Variants in MKLN1 observed in about 807,000 individuals in gnomAD.
The protein encoded by MKLN1 is muskelin 1, also known as muskelin.
Under a neutral mutation model 99.0 loss-of-function variants are expected in MKLN1, and 18 were observed. That is an observed-to-expected ratio of 0.18 (90% confidence interval 0.13 to 0.27). The LOEUF is 0.27. MKLN1 is among the 10% of genes least tolerant of loss of function. The pLI, the probability that MKLN1 is intolerant of heterozygous loss-of-function variation, is 1.00. For missense variants in MKLN1, 621 were observed against 875.9 expected, an observed-to-expected ratio of 0.71 and a Z score of 3.67; for synonymous variants, 288 against 293.2, an observed-to-expected ratio of 0.98 and a Z score of 0.18.
intron 2 of MKLN1, among the ~76,000 whole-genome samples, chr7:131,197,208 A>G (rs1313222491): frequency 6.6e-6 from 1 of 151,826 alleles, no homozygotes; most frequent in Admixed American, 6.6e-5. Flanking sequence ...TGTTTGATTG[A>G]TTGATTTTTT....
At chr7:131,349,361 A>G (rs1403854033) in intron 1 of MKLN1, among the ~76,000 whole-genome samples, 1 of 152,006 alleles carries the variant, frequency 6.6e-6, no homozygotes, top group Non-Finnish European at 1.5e-5. Context: ...ACGCCCAGCT[A>G]ATTTTTTGTA....
intron 2 of MKLN1, among the ~76,000 whole-genome samples, chr7:131,170,432 G>A (rs551005770): frequency 5.6e-4 from 85 of 152,260 alleles, no homozygotes; most frequent in African/African-American, 1.9e-3. Flanking sequence ...TTTCAAGTTC[G>A]ACTTTACAGC....
intron 17 of MKLN1, among the ~76,000 whole-genome samples, chr7:131,486,047 A>T (rs949893781): frequency 2.0e-5 from 3 of 151,974 alleles, no homozygotes; most frequent in Admixed American, 2.0e-4. Flanking sequence ...AAAACTCCCA[A>T]ATAGTTCTGC....
At chr7:131,340,929 G>T (rs188233448) in intron 1 of MKLN1, among the ~76,000 whole-genome samples, 2 of 152,058 alleles carry the variant, frequency 1.3e-5, no homozygotes, top group African/African-American at 4.8e-5. Flanking sequence ...GGAAAGACTT[G>T]TAACAGTAGA....
intron 3 of MKLN1, among the ~76,000 whole-genome samples, chr7:131,280,020 G>A (rs1272035950): frequency 1.3e-5 from 2 of 152,028 alleles, no homozygotes; most frequent in African/African-American, 2.4e-5. Flanking sequence ...CTGTCTCTAT[G>A]GATTTGCCTA....
In MKLN1 at chr7:131,316,439, T is replaced by G. The variant is rs187396599; in HGVS notation, c.-178-58985T>G. Among the ~76,000 whole-genome samples the G allele has an allele frequency of 3.8e-4, 58 of 151,900 alleles. No individual in the cohort carries two copies. The East Asian group carries it at 9.5e-3, about 25-fold the overall frequency. Reference sequence around the variant, plus strand: ...ACAAAAAAGACTCCCACACAAAAACTCCCATCCAAATGTCATCAGCCTCAA... The same window carrying G: ...ACAAAAAAGACTCCCACACAAAAACGCCCATCCAAATGTCATCAGCCTCAA... On this transcript the variant is annotated intron_variant, in intron 3 of 7. Transcript: ENST00000416992.
intron 8 of MKLN1, among the ~76,000 whole-genome samples, chr7:131,417,700 A>C (rs181218451): frequency 6.6e-6 from 1 of 152,194 alleles, no homozygotes; most frequent in Non-Finnish European, 1.5e-5. Context: ...AAGAAGAGCT[A>C]TCTGAAACCT....
At chr7:131,185,135 T>C (rs1017000166) in intron 2 of MKLN1, among the ~76,000 whole-genome samples, 11 of 152,088 alleles carry the variant, frequency 7.2e-5, no homozygotes, top group Non-Finnish European at 1.2e-4. Context: ...GACTGCACCT[T>C]GCAGGAACTG....
chr7:131,120,559 A>AAAG (rs1245120515), intron 1 of MKLN1, among the ~76,000 whole-genome samples: 2,408 of 150,522 alleles, frequency 0.016, 86 homozygotes, highest in African/African-American at 0.055. Flanking sequence ...AAAAAAAAAA[A>AAAG]AAAAAAGAAA....
At chr7:131,296,297 TTAAAA>T (rs1798290694) in intron 3 of MKLN1, among the ~76,000 whole-genome samples, 1 of 152,214 alleles carries the variant, frequency 6.6e-6, no homozygotes, top group African/African-American at 2.4e-5. Context: ...CATCCAATGA[TTAAAA>T]CATCTACATG....
At chr7:131,439,781 T>C (rs1795777065) in intron 10 of MKLN1, among the ~76,000 whole-genome samples, 1 of 152,140 alleles carries the variant, frequency 6.6e-6, no homozygotes, top group East Asian at 1.9e-4. Flanking sequence ...CTTAAGAACA[T>C]AGTGGCGGTT....
chr7:131,236,934 C>CTATG (rs2116486128), intron 3 of MKLN1, among the ~76,000 whole-genome samples: 1 of 152,190 alleles, frequency 6.6e-6, no homozygotes, highest in East Asian at 1.9e-4. Context: ...CTGCAGTGAG[C>CTATG]TATGATTGCA....
chr7:131,487,490 T>A lies in MKLN1; in HGVS notation c.2087-117T>A. On this transcript the variant is annotated intron_variant, in intron 17 of 17. Coordinates refer to ENST00000352689, the MANE Select transcript of MKLN1 (RefSeq NM_013255.5). The surrounding 1 kb of genome is among the most constrained non-coding windows in gnomAD (Gnocchi z 4.7). Reference sequence around the variant, plus strand: ...TGGGGTCAGATCAGTAGTGTCTGCCTGGTTTTGAAGCCTGATTTGATTTCT... The same window carrying A: ...TGGGGTCAGATCAGTAGTGTCTGCCAGGTTTTGAAGCCTGATTTGATTTCT... 1 of 1,155,064 alleles carries A rather than the reference T, an allele frequency of 8.7e-7. No individual in the cohort carries two copies. Among genetic ancestry groups the A allele is most frequent in the Non-Finnish European group, 1.2e-6 (1 of 822,330 alleles). The allele number at this position is 1,155,064 out of a possible 1,614,324, so 71.6% of individuals were successfully genotyped here.
intron 3 of MKLN1, among the ~76,000 whole-genome samples, chr7:131,293,831 AAGTC>A (rs1798254653): frequency 6.6e-6 from 1 of 152,084 alleles, no homozygotes; most frequent in African/African-American, 2.4e-5. Context: ...ATAATAATAA[AAGTC>A]AGTGTCATGA....
chr7:131,393,023 A>C (rs1294975977), intron 4 of MKLN1, among the ~76,000 whole-genome samples: 4 of 151,912 alleles, frequency 2.6e-5, no homozygotes, highest in African/African-American at 9.7e-5. Context: ...CAGCCTCCCT[A>C]GTAGCACACC....
chr7:131,345,815 A>T (rs991890297), intron 1 of MKLN1, among the ~76,000 whole-genome samples: 1 of 152,260 alleles, frequency 6.6e-6, no homozygotes, highest in Non-Finnish European at 1.5e-5. Context: ...TTTTGAAAGT[A>T]CACGTGTCTT....
intron 1 of MKLN1, among the ~76,000 whole-genome samples, chr7:131,138,213 G>A (rs536348689): frequency 1.3e-5 from 2 of 152,208 alleles, no homozygotes; most frequent in African/African-American, 4.8e-5. Context: ...TTACAGGTGT[G>A]AGCCACTGCG....
chr7:131,291,868 G>A (rs924702210), intron 3 of MKLN1, among the ~76,000 whole-genome samples: 1 of 152,102 alleles, frequency 6.6e-6, no homozygotes, highest in African/African-American at 2.4e-5. Context: ...ACTTTGGGAG[G>A]ACAAGGCGGG....
chr7:131,313,482 T>C (rs324285), intron 3 of MKLN1, among the ~76,000 whole-genome samples: 3 of 152,226 alleles, frequency 2.0e-5, no homozygotes, highest in African/African-American at 4.8e-5. Flanking sequence ...CAAGGACAGT[T>C]GGATTCAAAC....
Sources: allele counts gnomAD v4.1 joint callset (sites outside exome capture counted in the v4.1 genomes callset), GRCh38; gene constraint gnomAD v4.1.1; non-coding constraint Gnocchi (gnomAD v3.1); transcripts MANE v1.5; gene names NCBI Gene and HGNC (gene_info 2026-07-23, HGNC 2026-07-21).